Variants in RAD51AP1 observed in about 807,000 individuals in gnomAD.
RAD51AP1 encodes RAD51-associated protein 1.
Under a neutral mutation model 34.3 loss-of-function variants are expected in RAD51AP1, and 14 were observed. That is an observed-to-expected ratio of 0.41 (90% CI 0.27 to 0.64). The LOEUF (loss-of-function observed/expected upper bound fraction) is 0.64, where lower values mean the gene tolerates loss of function less well. RAD51AP1 is among the 30% of genes least tolerant of loss of function. RAD51AP1 has a pLI of 0.33. For missense variants in RAD51AP1, 348 were observed against 386.9 expected, an observed-to-expected ratio of 0.90 and a Z score of 0.84; for synonymous variants, 114 against 129.8, an observed-to-expected ratio of 0.88 and a Z score of 0.83.
chr12:4,545,635 T>C lies in RAD51AP1; in HGVS notation c.210-674T>C, dbSNP rs1319389875. On this transcript the variant is annotated intron_variant, in intron 3 of 8. Transcript: ENST00000352618. ...GTACATCTCAGTGCTTCTTCCTTTATGTAACTTTTCCTTATCTGTCTTTGA... is the reference window on the plus strand; with the variant it reads ...GTACATCTCAGTGCTTCTTCCTTTACGTAACTTTTCCTTATCTGTCTTTGA... 4 of 702,434 alleles carry C rather than the reference T, an allele frequency of 5.7e-6. No homozygotes were observed. In the African/African-American group the frequency reaches 7.2e-5, roughly 13 times the overall value. The allele number at this position is 702,434 out of a possible 1,614,324, so 43.5% of individuals were successfully genotyped here.
At chr12:4,548,908 G>T in intron 6 of RAD51AP1, 72 bp downstream of exon 6, 2 of 1,520,774 alleles carry the variant, frequency 1.3e-6, no homozygotes, top group Non-Finnish European at 1.8e-6. Context: ...GCTATTAATT[G>T]TGCAAAGCAC....
intron 1 of RAD51AP1, among the ~76,000 whole-genome samples, chr12:4,541,677 A>C (rs987424058): frequency 1.3e-5 from 2 of 152,164 alleles, no homozygotes; most frequent in Non-Finnish European, 2.9e-5. Context: ...ATCATGTTTT[A>C]GAGTTAAATA....
intron 3 of RAD51AP1, chr12:4,545,897 A>G: frequency 1.3e-6 from 2 of 1,553,094 alleles, no homozygotes; most frequent in Non-Finnish European, 1.8e-6. Context: ...AAAAATGATA[A>G]TAATTTTAAT....
At chr12:4,539,640 T>A (rs1944441682) in intron 1 of RAD51AP1, among the ~76,000 whole-genome samples, 1 of 152,120 alleles carries the variant, frequency 6.6e-6, no homozygotes, top group South Asian at 2.1e-4. Flanking sequence ...GTAGTTAATA[T>A]GTGACTCTGA....
Position 4,546,987 on chromosome 12 carries a change from TG to T in RAD51AP1, c.319+574del, listed in dbSNP as rs541550453. On this transcript the variant is annotated intron_variant, in intron 4 of 8. Transcript: ENST00000352618. ...GCTTTTTGGCTTAAAGTTTTTATGTTGGGGGATATTTTAGCTTATTATCTTA... is the reference window on the plus strand; with the variant it reads ...GCTTTTTGGCTTAAAGTTTTTATGTTGGGGATATTTTAGCTTATTATCTTA... 1.1e-4 allele frequency among the ~76,000 whole-genome samples: 16 copies of T among 152,334 alleles called. No homozygotes were observed. In the South Asian group the frequency reaches 3.1e-3, roughly 30 times the overall value.
intron 3 of RAD51AP1, chr12:4,545,953 C>T (rs1446827683): frequency 2.7e-5 from 32 of 1,186,352 alleles, no homozygotes; most frequent in Admixed American, 1.5e-4. Context: ...TGGGTGAGGT[C>T]AAGGAAGAGT....
At chr12:4,558,582 C>G (rs935581505) in intron 8 of RAD51AP1, among the ~76,000 whole-genome samples, 1 of 152,066 alleles carries the variant, frequency 6.6e-6, no homozygotes, top group African/African-American at 2.4e-5. Context: ...TATGCCTTTA[C>G]AACTAGCATT....
intron 1 of RAD51AP1, among the ~76,000 whole-genome samples, chr12:4,539,941 A>G (rs930147803): frequency 2.0e-5 from 3 of 152,186 alleles, no homozygotes; most frequent in African/African-American, 2.4e-5. Flanking sequence ...CTGTTGGTGG[A>G]GAATAAATGA....
chr12:4,556,292 A>G, intron 7 of RAD51AP1, 61 bp from the exon 8 acceptor site: 1 of 1,248,830 alleles, frequency 8.0e-7, no homozygotes, highest in East Asian at 2.3e-5. Flanking sequence ...TTACACATAT[A>G]TGCTAGACTT....
At chr12:4,546,254 T>C in intron 3 of RAD51AP1, 55 bp from the exon 4 acceptor site, 1 of 1,314,478 alleles carries the variant, frequency 7.6e-7, no homozygotes, top group Non-Finnish European at 1.1e-6. Context: ...AACTTTGCTC[T>C]TTAGTTGAGA....
At chr12:4,543,366 A>C (rs1944482804) in intron 2 of RAD51AP1, among the ~76,000 whole-genome samples, 1 of 152,158 alleles carries the variant, frequency 6.6e-6, no homozygotes. Context: ...TGGCCCAAGT[A>C]ATGGGCTTTG....
intron 6 of RAD51AP1, among the ~76,000 whole-genome samples, chr12:4,551,494 CAA>C (rs1180432401): frequency 2.4e-4 from 19 of 79,328 alleles, no homozygotes; most frequent in Middle Eastern, 7.2e-3. Context: ...GGCTCCATCT[CAA>C]AAAAAAAAAA....
At position 4,559,184 on chromosome 12, in the gene RAD51AP1, T is replaced by C; in HGVS notation, c.*191T>C. ...CTTCAAGACTTCAATGAGAAGTTTGTTTATAAGAATTATCTTCTCATACCT... is the reference window on the plus strand; with the variant it reads ...CTTCAAGACTTCAATGAGAAGTTTGCTTATAAGAATTATCTTCTCATACCT... On this transcript the variant is annotated 3_prime_UTR_variant, in exon 9 of 9. Transcript: ENST00000352618. The C allele has an allele frequency of 3.3e-6, 2 of 597,214 alleles. No individual in the cohort carries two copies. The highest frequency in any genetic ancestry group is 5.2e-5 in the South Asian group (2 of 38,228). The allele number at this position is 597,214 out of a possible 1,614,324, so 37.0% of individuals were successfully genotyped here.
intron 8 of RAD51AP1, among the ~76,000 whole-genome samples, chr12:4,557,456 C>G (rs1472529065): frequency 6.6e-6 from 1 of 152,046 alleles, no homozygotes; most frequent in Non-Finnish European, 1.5e-5. Flanking sequence ...TCTTTAAAGT[C>G]CATTCTGGTT....
chr12:4,550,360 A>G (rs1050888628), intron 6 of RAD51AP1, among the ~76,000 whole-genome samples: 14 of 152,232 alleles, frequency 9.2e-5, no homozygotes, highest in South Asian at 2.1e-4. Flanking sequence ...TATTGGATAC[A>G]CAGAAAGTTT....
intron 4 of RAD51AP1, among the ~76,000 whole-genome samples, chr12:4,546,737 A>G (rs560280409): frequency 2.6e-5 from 4 of 152,336 alleles, no homozygotes; most frequent in South Asian, 2.1e-4. Flanking sequence ...AGTCCTAACA[A>G]TCCATCTCCA....
At chr12:4,542,552 G>A (rs1233287452) in intron 2 of RAD51AP1, among the ~76,000 whole-genome samples, 2 of 151,190 alleles carry the variant, frequency 1.3e-5, no homozygotes, top group Non-Finnish European at 2.9e-5. Context: ...GGGAAAAAGA[G>A]TGTAGAGTAT....
chr12:4,550,401 A>G (rs1944537714), intron 6 of RAD51AP1: 1 of 152,222 alleles, frequency 6.6e-6, no homozygotes, highest in Non-Finnish European at 1.5e-5. Flanking sequence ...GAAAGTTTGG[A>G]GAAAGTTCCT....
intron 2 of RAD51AP1, among the ~76,000 whole-genome samples, chr12:4,542,674 G>A (rs1944476320): frequency 6.6e-6 from 1 of 151,886 alleles, no homozygotes; most frequent in Non-Finnish European, 1.5e-5. Flanking sequence ...TTTTTACATG[G>A]GGAAGCATAT....
Sources: allele counts gnomAD v4.1 joint callset (sites outside exome capture counted in the v4.1 genomes callset), GRCh38; gene constraint gnomAD v4.1.1; transcripts MANE v1.5; gene names NCBI Gene and HGNC (gene_info 2026-07-23, HGNC 2026-07-21).